The following PPEF1 variants were observed in gnomAD, a reference collection of about 807,000 sequenced individuals.
PPEF1 encodes protein phosphatase with EF-hand domain 1.
In PPEF1, 12 loss-of-function variants were observed where a neutral mutation model predicts 53.3. The ratio of observed to expected loss-of-function variants is 0.23; its 90% CI spans 0.14 to 0.36. The LOEUF is 0.36. PPEF1 is among the 10% of genes least tolerant of loss of function. The probability of loss-of-function intolerance (pLI) is 1.00; values close to 1 mark genes in which losing one functional copy is unlikely to be tolerated. For missense variants in PPEF1, 334 were observed against 490.4 expected, an observed-to-expected ratio of 0.68 and a Z score of 3.01; for synonymous variants, 165 against 176.7, an observed-to-expected ratio of 0.93 and a Z score of 0.52.
chrX:18,774,912 T>C (rs1200827215), intron 6 of PPEF1, among the ~76,000 whole-genome samples: 2 of 112,008 alleles, frequency 1.8e-5, no homozygotes, highest in African/African-American at 6.5e-5. Flanking sequence ...CAATTGTGTG[T>C]AGAAGTCGTG....
intron 1 of PPEF1, among the ~76,000 whole-genome samples, chrX:18,711,174 G>A (rs2044318675): frequency 9.2e-6 from 1 of 108,481 alleles, no homozygotes; most frequent in African/African-American, 3.4e-5. Context: ...CAACATGGAT[G>A]GAACAAGAAG....
At chrX:18,810,054 C>T (rs1419530790) in intron 12 of PPEF1, among the ~76,000 whole-genome samples, 1 of 98,839 alleles carries the variant, frequency 1.0e-5, no homozygotes, top group African/African-American at 3.7e-5. Flanking sequence ...AGTTTTATGT[C>T]AATAAAGCTG....
chrX:18,685,704 G>A (rs7062516), intron 2 of PPEF1, among the ~76,000 whole-genome samples: 2,562 of 90,390 alleles, frequency 0.028, 120 homozygotes, highest in African/African-American at 0.11. Flanking sequence ...AAAAAAAAAA[G>A]AAAAAAAAGC....
chrX:18,795,057 C>G (rs760068449), intron 10 of PPEF1, among the ~76,000 whole-genome samples: 13 of 112,223 alleles, frequency 1.2e-4, no homozygotes, highest in Middle Eastern at 4.6e-3. Flanking sequence ...CGCCTGTAAT[C>G]CCAGCACTTT....
intron 10 of PPEF1, among the ~76,000 whole-genome samples, chrX:18,797,974 G>A (rs764340014): frequency 2.5e-3 from 278 of 111,234 alleles, no homozygotes; most frequent in African/African-American, 8.8e-3. Flanking sequence ...GATTACAAGC[G>A]TGAGCCACTG....
chrX:18,740,226 G>A (rs1345499846), intron 3 of PPEF1, among the ~76,000 whole-genome samples: 1 of 112,288 alleles, frequency 8.9e-6, no homozygotes, highest in Non-Finnish European at 1.9e-5. Context: ...GCTGGGAGCT[G>A]TAGACTGGAG....
At chrX:18,760,603 T>C (rs2045641579) in intron 5 of PPEF1, among the ~76,000 whole-genome samples, 1 of 108,262 alleles carries the variant, frequency 9.2e-6, no homozygotes, top group African/African-American at 3.4e-5. Flanking sequence ...CCTGAGGGGT[T>C]TTTTGTTTTT....
chrX:18,708,732 C>G (rs2044258009), intron 1 of PPEF1, among the ~76,000 whole-genome samples: 3 of 111,716 alleles, frequency 2.7e-5, no homozygotes, highest in African/African-American at 9.7e-5. Context: ...ACCCAGCTGA[C>G]TTGTGCTGAT....
rs756278587 is a variant in PPEF1, at chrX:18,738,779, T to C, written c.235+4971T>C. Among the ~76,000 whole-genome samples, 5 of 112,635 alleles carry C rather than the reference T, an allele frequency of 4.4e-5. No homozygotes were observed. In the South Asian group the frequency reaches 1.5e-3, roughly 33 times the overall value. On this transcript the variant is annotated intron_variant, in intron 3 of 15. Coordinates refer to ENST00000470157, the MANE Select transcript of PPEF1 (RefSeq NM_001377996.1). Reference sequence around the variant, plus strand: ...CAGGTACACCAATCAGATGCAGATTTAGTCTTTTCACATAGTCCCATATTT... The same window carrying C: ...CAGGTACACCAATCAGATGCAGATTCAGTCTTTTCACATAGTCCCATATTT...
chrX:18,821,918 C>T (rs2047068844), intron 13 of PPEF1, among the ~76,000 whole-genome samples: 1 of 111,541 alleles, frequency 9.0e-6, no homozygotes, highest in South Asian at 3.8e-4. Context: ...GAGATGAGAT[C>T]AAGCCCTCAT....
chrX:18,675,133 T>G (rs1280036401), upstream of PPEF1, among the ~76,000 whole-genome samples: 3 of 112,689 alleles, frequency 2.7e-5, no homozygotes, highest in African/African-American at 9.6e-5. Context: ...TTGGGCGGCT[T>G]GTCTTCCCTG....
intron 3 of PPEF1, among the ~76,000 whole-genome samples, chrX:18,687,573 T>C (rs936947846): frequency 8.9e-6 from 1 of 112,125 alleles, no homozygotes; most frequent in Admixed American, 9.5e-5. Context: ...CTCTAGGATG[T>C]ATATCCACTT....
At position 18,731,516 on chromosome X, in the gene PPEF1, G is replaced by C. The variant is rs189434968; in HGVS notation, c.174+1208G>C. ...GTCTTTCTAAGCACTGTAGAATATA[G>C]TGATAAATATACAGGTAGAGTGAAT... is the stretch of plus-strand genomic sequence containing the variant. On this transcript the variant is annotated intron_variant, in intron 2 of 15. Transcript: ENST00000470157. Among the ~76,000 whole-genome samples the C allele has an allele frequency of 4.0e-3, 453 of 112,223 alleles. 1 individual carries two copies. Among genetic ancestry groups the C allele is most frequent in the African/African-American group, 0.014 (437 of 30,907 alleles).
chrX:18,784,636 AG>A, intron 9 of PPEF1, among the ~76,000 whole-genome samples: 1 of 111,093 alleles, frequency 9.0e-6, no homozygotes, highest in South Asian at 3.8e-4. Context: ...ACCTTATATA[AG>A]TGGAGTCACT....
chrX:18,813,378 CAAAA>C (rs953412612), intron 12 of PPEF1, among the ~76,000 whole-genome samples: 3 of 30,814 alleles, frequency 9.7e-5, no homozygotes, highest in African/African-American at 3.2e-4. Context: ...GACTCCGTCT[CAAAA>C]AAAAAAAAAA....
intron 3 of PPEF1, among the ~76,000 whole-genome samples, chrX:18,740,883 T>G (rs925486202): frequency 9.1e-6 from 1 of 109,869 alleles, no homozygotes; most frequent in African/African-American, 3.3e-5. Flanking sequence ...ATGCCAGACT[T>G]AAACGCTCAT....
At chrX:18,751,779 C>CA (rs2045449941) in intron 4 of PPEF1, among the ~76,000 whole-genome samples, 1 of 111,737 alleles carries the variant, frequency 8.9e-6, no homozygotes, top group African/African-American at 3.2e-5. Flanking sequence ...GACTCCATCT[C>CA]AAAAAAACAA....
chrX:18,789,020 T>C, intron 9 of PPEF1, 101 bp from the exon 10 acceptor site: 1 of 1,000,792 alleles, frequency 1.0e-6, no homozygotes, highest in Non-Finnish European at 1.4e-6. Flanking sequence ...TTTCATTGGG[T>C]TGTGGCACCA....
At chrX:18,700,280 T>A (rs1461402550) in intron 5 of PPEF1, 1 of 102,249 alleles carries the variant, frequency 9.8e-6, no homozygotes, top group Non-Finnish European at 2.1e-5. Context: ...TGTGTGTGTG[T>A]GTTTGTGTGG....
Sources: gnomAD v4.1 joint callset for allele counts (sites outside exome capture counted in the v4.1 genomes callset) on GRCh38, gnomAD v4.1.1 for gene constraint, MANE v1.5 for transcripts, NCBI Gene and HGNC (gene_info 2026-07-23, HGNC 2026-07-21) for gene names.